The following ARAP2 variants were observed in gnomAD, a reference collection of about 807,000 sequenced individuals.
The protein encoded by ARAP2 is ArfGAP with RhoGAP domain, ankyrin repeat and PH domain 2.
ARAP2 carries 148 observed loss-of-function variants against 194.5 expected under a neutral mutation model. That is an observed-to-expected ratio of 0.76 (90% CI 0.67 to 0.87). ARAP2 has a LOEUF of 0.87. ARAP2 is among the 40% of genes least tolerant of loss of function. The pLI is 0.00. For synonymous variants in ARAP2, 695 were observed against 683.5 expected (o/e 1.02, Z -0.26); for missense variants, 2,128 against 1,989.7 (o/e 1.07, Z -1.32).
At chr4:36,072,883 G>C (rs1045540684) in intron 32 of ARAP2, among the ~76,000 whole-genome samples, 1 of 152,066 alleles carries the variant, frequency 6.6e-6, no homozygotes, top group Non-Finnish European at 1.5e-5. Flanking sequence ...TGCACAAAAA[G>C]CTTAAAAATC....
intron 27 of ARAP2, among the ~76,000 whole-genome samples, chr4:36,101,775 T>C (rs7438627): frequency 6.6e-6 from 1 of 152,168 alleles, no homozygotes; most frequent in East Asian, 1.9e-4. Context: ...TGCTAGAATA[T>C]GAATTCAGGT....
In ARAP2 at chr4:36,083,589, G is replaced by A. The variant is rs539358214; in HGVS notation, c.4426-139C>T. The A allele has an allele frequency of 1.1e-5, 7 of 619,908 alleles. No individual in the cohort carries two copies. In the African/African-American group the frequency reaches 1.3e-4, roughly 12 times the overall value. The allele number at this position is 619,908 out of a possible 1,614,324, so 38.4% of individuals were successfully genotyped here. On this transcript the variant is annotated intron_variant, in intron 28 of 32. Transcript: ENST00000303965. ...CAAACATTTCATGAGTTTAGTAAAT[G>A]AAGACTCTTTGGATTTACAATGAAG...
intron 19 of ARAP2, among the ~76,000 whole-genome samples, chr4:36,135,183 C>T (rs1231965706): frequency 6.6e-6 from 1 of 151,706 alleles, no homozygotes; most frequent in Non-Finnish European, 1.5e-5. Context: ...CTTGACAGGG[C>T]TAGTTTATAT....
At chr4:36,145,477 T>A (rs547167991) in intron 19 of ARAP2, among the ~76,000 whole-genome samples, 3 of 151,824 alleles carry the variant, frequency 2.0e-5, no homozygotes, top group Non-Finnish European at 2.9e-5. Context: ...AGTTAAACAA[T>A]GAGTTACATG....
At chr4:36,211,474 G>T (rs1746752534) in intron 5 of ARAP2, among the ~76,000 whole-genome samples, 1 of 152,116 alleles carries the variant, frequency 6.6e-6, no homozygotes, top group Non-Finnish European at 1.5e-5. Context: ...CAATGAAACA[G>T]ATATGCCTGG....
chr4:36,229,492 T>C lies in ARAP2; in HGVS notation c.-6A>G, dbSNP rs1246908431. ...ACTTCACTGACTGAGGACATAATGG[T>C]GGCTTCATTACTAAGCTGAGTTACA... On this transcript the variant is annotated 5_prime_UTR_variant, in exon 2 of 33. Coordinates refer to ENST00000303965, the MANE Select transcript of ARAP2 (RefSeq NM_015230.4). 1.9e-6 allele frequency: 3 copies of C among 1,594,110 alleles called. No individual in the cohort carries two copies. The highest frequency in any genetic ancestry group is 3.4e-4 in the Middle Eastern group (2 of 5,898).
chr4:36,213,222 A>G, intron 4 of ARAP2, 21 bp downstream of exon 4: 1 of 1,514,548 alleles, frequency 6.6e-7, no homozygotes, highest in Non-Finnish European at 9.1e-7. Flanking sequence ...ATGGAAAACA[A>G]TTAAAATGTA....
Position 36,228,983 on chromosome 4 carries a change from A to C in ARAP2, c.504T>G (p.Asp168Glu). The C allele has an allele frequency of 1.9e-6, 3 of 1,614,104 alleles. No homozygotes were observed. The highest frequency in any genetic ancestry group is 2.5e-6 in the Non-Finnish European group (3 of 1,179,994). Residue 168 changes from aspartate to glutamate, a missense_variant, in exon 2 of 33, where the codon GAT (aspartate) becomes GAG (glutamate). Asp to Glu is a conservative substitution (Grantham distance 45). Coordinates refer to ENST00000303965, the MANE Select transcript of ARAP2 (RefSeq NM_015230.4). ...TAATATTGTCACTACCAAATAAAGA[A>C]TCATTCAAAGAACCCAAATTCAGGT... ...EPHLNLGSLN[D>E]SLFGSDNIKI...
chr4:36,227,436 T>C (rs1158220089), intron 2 of ARAP2, among the ~76,000 whole-genome samples: 1 of 152,176 alleles, frequency 6.6e-6, no homozygotes, highest in Non-Finnish European at 1.5e-5. Context: ...GTCTCTGCCA[T>C]CAAAACGTTT....
Position 36,067,677 on chromosome 4 carries a change from G to A in ARAP2, c.*230C>T, listed in dbSNP as rs1466450630. 5.9e-5 allele frequency: 25 copies of A among 422,324 alleles called. No homozygotes were observed. Among genetic ancestry groups the A allele is most frequent in the East Asian group, 8.4e-5 (2 of 23,890 alleles). 26.2% of individuals were successfully genotyped at this position (422,324 alleles called of 1,614,324 possible). On this transcript the variant is annotated 3_prime_UTR_variant, in exon 33 of 33. Coordinates refer to ENST00000303965, the MANE Select transcript of ARAP2 (RefSeq NM_015230.4). ...AGTAACCCAATGTCTTCTTACACACGTTAATACAATGGAACTTTACAAGGT... is the reference window on the plus strand; with the variant it reads ...AGTAACCCAATGTCTTCTTACACACATTAATACAATGGAACTTTACAAGGT...
chr4:36,238,487 A>G (rs554066335), intron 1 of ARAP2, among the ~76,000 whole-genome samples: 1 of 152,358 alleles, frequency 6.6e-6, no homozygotes, highest in Admixed American at 6.5e-5. Flanking sequence ...CATAGTAGAT[A>G]TAAAATTGAT....
At chr4:36,243,562 G>C (rs1753998713) in intron 1 of ARAP2, 1 of 152,096 alleles carries the variant, frequency 6.6e-6, no homozygotes, top group South Asian at 2.1e-4. Context: ...CCTCAAGGTA[G>C]GAGGTGTTTA....
At chr4:36,166,195 T>C (rs1735247266) in intron 10 of ARAP2, among the ~76,000 whole-genome samples, 2 of 152,126 alleles carry the variant, frequency 1.3e-5, no homozygotes, top group Non-Finnish European at 2.9e-5. Context: ...TCCTAATTGT[T>C]AGTCCTTTAA....
At chr4:36,059,904 A>G (rs999979623) in intron 1 of ARAP2, among the ~76,000 whole-genome samples, 1 of 152,154 alleles carries the variant, frequency 6.6e-6, no homozygotes, top group Non-Finnish European at 1.5e-5. Context: ...GTAATGGGAA[A>G]CAAAAGGCTG....
At chr4:36,234,501 C>G (rs1752093814) in intron 1 of ARAP2, among the ~76,000 whole-genome samples, 1 of 152,118 alleles carries the variant, frequency 6.6e-6, no homozygotes, top group Non-Finnish European at 1.5e-5. Flanking sequence ...ACATTCAGAC[C>G]ATAGCAAGTG....
In ARAP2 at chr4:36,067,799, T is replaced by A; in HGVS notation, c.*108A>T. The A allele has an allele frequency of 1.5e-6, 2 of 1,338,482 alleles. No homozygotes were observed. Among genetic ancestry groups the A allele is most frequent in the Non-Finnish European group, 2.0e-6 (2 of 999,500 alleles). The allele number at this position is 1,338,482 out of a possible 1,614,324, so 82.9% of individuals were successfully genotyped here. On this transcript the variant is annotated 3_prime_UTR_variant, in exon 33 of 33. Coordinates refer to ENST00000303965, the MANE Select transcript of ARAP2 (RefSeq NM_015230.4). ...GCCTAAGCATAGACAAATTTGCCTA[T>A]CAATAGGCAAATTCTTATGAATTAT...
chr4:36,200,234 CCTT>C (rs1245643825), intron 6 of ARAP2, among the ~76,000 whole-genome samples: 2 of 29,656 alleles, frequency 6.7e-5, no homozygotes, highest in African/African-American at 1.7e-4. Flanking sequence ...AGCACTATTC[CCTT>C]TTTTTATTTT....
intron 20 of ARAP2, 88 bp from the exon 21 acceptor site, chr4:36,128,833 G>C (rs1243521516): frequency 9.6e-7 from 1 of 1,036,506 alleles, no homozygotes; most frequent in Non-Finnish European, 1.4e-6. Context: ...TGTTTGTGTT[G>C]AGACGAGAAG....
intron 21 of ARAP2, among the ~76,000 whole-genome samples, chr4:36,127,316 T>C (rs1490648479): frequency 6.6e-6 from 1 of 152,102 alleles, no homozygotes; most frequent in Admixed American, 6.6e-5. Flanking sequence ...TAGAAAATTA[T>C]ACACTTAATT....
Sources: allele counts gnomAD v4.1 joint callset (sites outside exome capture counted in the v4.1 genomes callset), GRCh38; gene constraint gnomAD v4.1.1; transcripts MANE v1.5; gene names NCBI Gene and HGNC (gene_info 2026-07-23, HGNC 2026-07-21).